The following GRM8 variants were observed in gnomAD, a reference collection of about 807,000 sequenced individuals.
GRM8 encodes metabotropic glutamate receptor 8.
A neutral mutation model predicts 87.2 loss-of-function variants in GRM8; 47 were observed. The observed-to-expected ratio is 0.54, with a 90% CI of 0.43 to 0.69. The LOEUF is 0.69. Ranked by LOEUF, GRM8 falls within the 30% of genes least tolerant of loss-of-function variation. The probability of loss-of-function intolerance (pLI) is 0.00; values close to 1 mark genes in which losing one functional copy is unlikely to be tolerated. For missense variants in GRM8, 1,019 were observed against 1,139.2 expected, an observed-to-expected ratio of 0.89 and a Z score of 1.52; for synonymous variants, 396 against 404.5, an observed-to-expected ratio of 0.98 and a Z score of 0.25.
chr7:127,246,196 A>G (rs1050769970), intron 1 of GRM8, among the ~76,000 whole-genome samples: 3 of 152,236 alleles, frequency 2.0e-5, no homozygotes, highest in Admixed American at 6.5e-5. Flanking sequence ...GAGAAACTAC[A>G]TCAGTTAGGT....
At chr7:126,447,426 G>A (rs897388102) in intron 9 of GRM8, among the ~76,000 whole-genome samples, 4 of 151,554 alleles carry the variant, frequency 2.6e-5, no homozygotes, top group African/African-American at 4.8e-5. Context: ...TCATATCTAC[G>A]ACCCTCATTA....
chr7:126,630,671 G>A (rs1449995750), intron 7 of GRM8, among the ~76,000 whole-genome samples: 1 of 152,032 alleles, frequency 6.6e-6, no homozygotes, highest in East Asian at 1.9e-4. Flanking sequence ...ACACACAAAA[G>A]TTTATCCAGG....
intron 6 of GRM8, among the ~76,000 whole-genome samples, chr7:126,840,986 G>A (rs1463510297): frequency 6.6e-6 from 1 of 152,218 alleles, no homozygotes; most frequent in Non-Finnish European, 1.5e-5. Flanking sequence ...GCCTAAAAAT[G>A]AAGTCCTTTA....
chr7:126,748,993 A>C (rs1816060818), intron 7 of GRM8, among the ~76,000 whole-genome samples: 1 of 152,112 alleles, frequency 6.6e-6, no homozygotes, highest in Admixed American at 6.6e-5. Context: ...TTCACTGGCT[A>C]GGTACCACAG....
chr7:126,744,367 A>G (rs1815384134), intron 7 of GRM8, among the ~76,000 whole-genome samples: 1 of 152,080 alleles, frequency 6.6e-6, no homozygotes, highest in Non-Finnish European at 1.5e-5. Context: ...ATTTTCTGCC[A>G]ATGATAAAAT....
intron 3 of GRM8, among the ~76,000 whole-genome samples, chr7:127,001,929 A>G (rs989032895): frequency 3.3e-5 from 5 of 151,652 alleles, no homozygotes; most frequent in African/African-American, 1.2e-4. Context: ...TTTTCTGAGC[A>G]AAAAAAGATA....
intron 2 of GRM8, among the ~76,000 whole-genome samples, chr7:127,189,532 T>C (rs867468192): frequency 2.0e-5 from 3 of 152,296 alleles, no homozygotes; most frequent in African/African-American, 7.2e-5. Flanking sequence ...TCAAATTAAG[T>C]GCATTTTGCA....
chr7:126,841,826 G>T (rs1033440005), intron 6 of GRM8, among the ~76,000 whole-genome samples: 4 of 151,766 alleles, frequency 2.6e-5, no homozygotes, highest in African/African-American at 7.3e-5. Context: ...TGGAGATGGG[G>T]TTTCACCGTG....
intron 3 of GRM8, among the ~76,000 whole-genome samples, chr7:127,042,572 G>A (rs918783544): frequency 6.6e-6 from 1 of 152,200 alleles, no homozygotes; most frequent in Non-Finnish European, 1.5e-5. Context: ...GTAGAAAGCT[G>A]AAACTGGATC....
chr7:126,716,956 C>G (rs1012536648), intron 7 of GRM8, among the ~76,000 whole-genome samples: 1 of 152,028 alleles, frequency 6.6e-6, no homozygotes, highest in Admixed American at 6.6e-5. Flanking sequence ...GATAAGAGTT[C>G]CTTAAAATCT....
chr7:126,752,084 T>A lies in GRM8; in HGVS notation c.1357+17781A>T, dbSNP rs192168799. On this transcript the variant is annotated intron_variant, in intron 7 of 10. Coordinates refer to ENST00000339582, the MANE Select transcript of GRM8 (RefSeq NM_000845.3). ...GCATGGAGTGGGAGGAATTCAATGA[T>A]GAGATCAAGTGGAGAGCATTTACTT... Among the ~76,000 whole-genome samples, 53 of 152,242 alleles carry A rather than the reference T, an allele frequency of 3.5e-4. 1 individual carries two copies. Among genetic ancestry groups the A allele is most frequent in the African/African-American group, 1.2e-3 (49 of 41,560 alleles).
chr7:126,854,635 G>A (rs946699509), intron 6 of GRM8, among the ~76,000 whole-genome samples: 2 of 152,116 alleles, frequency 1.3e-5, no homozygotes, highest in African/African-American at 2.4e-5. Flanking sequence ...TTATGCAAAT[G>A]TTAAGATTAC....
intron 8 of GRM8, among the ~76,000 whole-genome samples, chr7:126,585,076 G>A (rs1009458352): frequency 6.6e-6 from 1 of 151,980 alleles, no homozygotes; most frequent in South Asian, 2.1e-4. Context: ...GTATAGCATC[G>A]CTTCTATTTA....
At chr7:126,861,543 T>G (rs1253200925) in intron 6 of GRM8, among the ~76,000 whole-genome samples, 1 of 152,030 alleles carries the variant, frequency 6.6e-6, no homozygotes, top group Non-Finnish European at 1.5e-5. Flanking sequence ...CCCTATAACT[T>G]CTCCCATATT....
At chr7:126,887,200 G>A (rs1800578841) in intron 6 of GRM8, among the ~76,000 whole-genome samples, 1 of 152,076 alleles carries the variant, frequency 6.6e-6, no homozygotes, top group African/African-American at 2.4e-5. Context: ...ACATAGGAAA[G>A]GAAACGTGTA....
chr7:126,456,471 T>G (rs929327113), intron 9 of GRM8, among the ~76,000 whole-genome samples: 1 of 145,836 alleles, frequency 6.9e-6, no homozygotes, highest in African/African-American at 2.6e-5. Flanking sequence ...TATACCTTTT[T>G]TTTCCCTTGA....
At chr7:126,971,378 T>C (rs746941128) in intron 3 of GRM8, among the ~76,000 whole-genome samples, 1 of 152,160 alleles carries the variant, frequency 6.6e-6, no homozygotes, top group Admixed American at 6.6e-5. Flanking sequence ...TGTTGAACTC[T>C]ATCCTTGCAT....
intron 7 of GRM8, among the ~76,000 whole-genome samples, chr7:126,734,951 C>T (rs1240346018): frequency 1.3e-5 from 2 of 152,014 alleles, no homozygotes; most frequent in Non-Finnish European, 2.9e-5. Flanking sequence ...TTATATTACT[C>T]TTATTTAGTA....
At chr7:126,667,680 C>T (rs1805918721) in intron 7 of GRM8, among the ~76,000 whole-genome samples, 1 of 152,190 alleles carries the variant, frequency 6.6e-6, no homozygotes, top group Non-Finnish European at 1.5e-5. Context: ...GGCTGGTGAG[C>T]CAGGCCCAAG....
Sources: gnomAD v4.1 joint callset for allele counts (sites outside exome capture counted in the v4.1 genomes callset) on GRCh38, gnomAD v4.1.1 for gene constraint, MANE v1.5 for transcripts, NCBI Gene and HGNC (gene_info 2026-07-23, HGNC 2026-07-21) for gene names.